ATG7: variants seen among roughly 807,000 people sequenced by gnomAD.
The protein encoded by ATG7 is ubiquitin-like modifier-activating enzyme ATG7.
Under a neutral mutation model 82.4 loss-of-function variants are expected in ATG7, and 70 were observed. That is an observed-to-expected ratio of 0.85 (90% CI 0.70 to 1.04). The LOEUF (loss-of-function observed/expected upper bound fraction) is 1.04. Ranked by LOEUF, ATG7 falls within the 50% of genes least tolerant of loss-of-function variation. ATG7 has a pLI of 0.00. For missense variants in ATG7, 792 were observed against 864.3 expected, an observed-to-expected ratio of 0.92 and a Z score of 1.05; for synonymous variants, 287 against 313.0, an observed-to-expected ratio of 0.92 and a Z score of 0.88.
chr3:11,435,738 G>A (rs1430544122), intron 20 of ATG7, among the ~76,000 whole-genome samples: 4 of 152,094 alleles, frequency 2.6e-5, no homozygotes, highest in African/African-American at 9.7e-5. Context: ...CCATCATTTT[G>A]TAGGATGTGA....
At chr3:11,397,911 C>G (rs1035034509) in intron 19 of ATG7, among the ~76,000 whole-genome samples, 2 of 151,362 alleles carry the variant, frequency 1.3e-5, no homozygotes, top group Middle Eastern at 3.4e-3. Context: ...GGTGAAACCA[C>G]ATCTCTACTA....
intron 7 of ATG7, among the ~76,000 whole-genome samples, chr3:11,310,240 A>G (rs901163128): frequency 6.6e-6 from 1 of 152,118 alleles, no homozygotes; most frequent in Non-Finnish European, 1.5e-5. Flanking sequence ...TGCTCATTTT[A>G]CTTCTTTAGA....
chr3:11,520,202 G>A (rs1235237417), intron 20 of ATG7, among the ~76,000 whole-genome samples: 2 of 152,148 alleles, frequency 1.3e-5, no homozygotes, highest in Non-Finnish European at 2.9e-5. Flanking sequence ...GCAGAGCCAG[G>A]ATTCGAACCC....
Position 11,313,392 on chromosome 3 carries a change from G to A in ATG7, c.500G>A (p.Gly167Asp). ...TTACCTCTCATTCAGGGGCCAGTGGGTTTGGATCAAAGGTTTTCACTAAAA... is the reference window on the plus strand; with the variant it reads ...TTACCTCTCATTCAGGGGCCAGTGGATTTGGATCAAAGGTTTTCACTAAAA... ...ESLPLIQGPV[G>D]LDQRFSLKQI... The change falls in exon 8 of 21, where the codon GGT becomes GAT. Residue 167 changes from glycine to aspartate, a missense_variant. Transcript: ENST00000693202. 6.2e-7 allele frequency: 1 copy of A among 1,611,756 alleles called. No homozygotes were observed. The highest frequency in any genetic ancestry group is 1.1e-5 in the South Asian group (1 of 90,676).
intron 3 of ATG7, among the ~76,000 whole-genome samples, chr3:11,285,577 G>A (rs1175139985): frequency 6.6e-6 from 1 of 152,084 alleles, no homozygotes; most frequent in Non-Finnish European, 1.5e-5. Flanking sequence ...CCACCACCCA[G>A]CTCAAGATAC....
chr3:11,548,590 T>C (rs2071487575), intron 20 of ATG7, among the ~76,000 whole-genome samples: 1 of 152,224 alleles, frequency 6.6e-6, no homozygotes, highest in African/African-American at 2.4e-5. Flanking sequence ...TTTGCAAAAT[T>C]AAAAACCTTT....
chr3:11,521,557 G>T (rs199901094), intron 20 of ATG7, among the ~76,000 whole-genome samples: 33 of 143,696 alleles, frequency 2.3e-4, no homozygotes, highest in Admixed American at 6.2e-4. Flanking sequence ...GGGTTTTTTT[G>T]TTTTTTTTTT....
At chr3:11,511,069 G>A (rs962518046) in intron 20 of ATG7, among the ~76,000 whole-genome samples, 6 of 152,100 alleles carry the variant, frequency 3.9e-5, no homozygotes, top group East Asian at 1.9e-4. Context: ...AGACCTTCGC[G>A]GTGAGTGTTA....
intron 20 of ATG7, among the ~76,000 whole-genome samples, chr3:11,545,857 G>A (rs181888954): frequency 7.4e-4 from 112 of 152,348 alleles, no homozygotes; most frequent in Admixed American, 1.6e-3. Flanking sequence ...AGAAGTGGGG[G>A]TTAGCACCCC....
intron 20 of ATG7, among the ~76,000 whole-genome samples, chr3:11,485,011 C>T (rs1207193242): frequency 3.9e-5 from 6 of 152,120 alleles, no homozygotes; most frequent in African/African-American, 1.2e-4. Flanking sequence ...CATACGTGTG[C>T]ATGTGTCTTT....
chr3:11,537,596 G>A lies in ATG7; in HGVS notation c.2080-17215G>A, dbSNP rs73123047. ...CAAAGATCCAGGGGTCACAATGAGA[G>A]TGATTATAAAACAAACTACACATGC... is the stretch of plus-strand genomic sequence containing the variant. On this transcript the variant is annotated intron_variant, in intron 20 of 20. Transcript: ENST00000693202. 8.0e-3 allele frequency among the ~76,000 whole-genome samples: 1,219 copies of A among 152,272 alleles called. 17 individuals are homozygous for A. The highest frequency in any genetic ancestry group is 0.027 in the African/African-American group (1,138 of 41,538).
At chr3:11,449,215 T>C (rs915417265) in intron 20 of ATG7, among the ~76,000 whole-genome samples, 1 of 152,200 alleles carries the variant, frequency 6.6e-6, no homozygotes, top group Non-Finnish European at 1.5e-5. Context: ...GGCCAAAATA[T>C]GAGCCTATTA....
intron 20 of ATG7, among the ~76,000 whole-genome samples, chr3:11,429,386 C>T (rs914264605): frequency 4.6e-5 from 7 of 152,024 alleles, no homozygotes; most frequent in Admixed American, 6.6e-5. Context: ...ATCCCAGTTA[C>T]TCGGGAGGCT....
chr3:11,476,503 T>A (rs1450997003), intron 20 of ATG7, among the ~76,000 whole-genome samples: 1 of 151,554 alleles, frequency 6.6e-6, no homozygotes, highest in Admixed American at 6.6e-5. Context: ...GAACCTTGTA[T>A]CAGAATATAA....
chr3:11,298,870 A>G lies in ATG7; in HGVS notation c.160+15A>G, dbSNP rs776065063. On this transcript the variant is annotated intron_variant, in intron 4 of 20. Coordinates refer to ENST00000693202, the MANE Select transcript of ATG7 (RefSeq NM_001349232.2). The stretch of plus-strand genomic sequence containing the variant: ...TTACTACAATGGTAGGTGATTGTAA[A>G]TTTCATTTTCCATCATCTTCTGTTA... The G allele has an allele frequency of 6.2e-7, 1 of 1,613,454 alleles. No homozygotes were observed.
intron 20 of ATG7, among the ~76,000 whole-genome samples, chr3:11,481,491 C>T (rs1249915457): frequency 1.3e-5 from 2 of 152,154 alleles, no homozygotes; most frequent in African/African-American, 2.4e-5. Context: ...TTATATTTTA[C>T]GTGCAGGTGC....
At chr3:11,519,527 G>A (rs933244002) in intron 20 of ATG7, among the ~76,000 whole-genome samples, 5 of 142,548 alleles carry the variant, frequency 3.5e-5, no homozygotes, top group Non-Finnish European at 6.1e-5. Context: ...TGAAAGGCAG[G>A]CAGTGAGAGG....
At position 11,525,440 on chromosome 3, in the gene ATG7, GAC is replaced by G. The variant is rs1190493036; in HGVS notation, c.2080-29369_2080-29368del. 2.9e-4 allele frequency among the ~76,000 whole-genome samples: 39 copies of G among 135,788 alleles called. 1 individual carries two copies. The highest frequency in any genetic ancestry group is 1.0e-3 in the African/African-American group (35 of 34,044). The allele number at this position is 135,788 out of a possible 152,430, so 89.1% of individuals were successfully genotyped here. A position where few individuals can be genotyped will look rare whatever the true frequency, so the allele number is the denominator to read the frequency against. Reference sequence around the variant, plus strand: ...TTTACTCATAAGAGGTTCACAGTAAGACATGTGATTTTTTTTTTTTTTTTTTT... The same window carrying G: ...TTTACTCATAAGAGGTTCACAGTAAGATGTGATTTTTTTTTTTTTTTTTTT... On this transcript the variant is annotated intron_variant, in intron 20 of 20. Transcript: ENST00000693202.
intron 18 of ATG7, among the ~76,000 whole-genome samples, chr3:11,374,587 C>G (rs2077251692): frequency 6.6e-6 from 1 of 152,064 alleles, no homozygotes; most frequent in Non-Finnish European, 1.5e-5. Context: ...TAGGACTGCA[C>G]TAAAATAAAC....
Sources: gnomAD v4.1 joint callset for allele counts (sites outside exome capture counted in the v4.1 genomes callset) on GRCh38, gnomAD v4.1.1 for gene constraint, MANE v1.5 for transcripts, NCBI Gene and HGNC (gene_info 2026-07-23, HGNC 2026-07-21) for gene names.